Variants in RANBP3 observed in about 807,000 individuals in gnomAD.
RANBP3 encodes ran-binding protein 3.
A neutral mutation model predicts 77.3 loss-of-function variants in RANBP3; 14 were observed. The ratio of observed to expected loss-of-function variants is 0.18; its 90% CI spans 0.12 to 0.28. The LOEUF is 0.28. RANBP3 is among the 10% of genes least tolerant of loss of function. RANBP3 has a pLI of 1.00. For synonymous variants in RANBP3, 315 were observed against 312.4 expected (o/e 1.01, Z -0.09); for missense variants, 586 against 752.3 (o/e 0.78, Z 2.59).
chr19:5,948,541 C>G (rs994748021), intron 3 of RANBP3, among the ~76,000 whole-genome samples: 1 of 151,800 alleles, frequency 6.6e-6, no homozygotes, highest in African/African-American at 2.4e-5. Flanking sequence ...AGTTAGAAAA[C>G]CTGGCTGGTC....
intron 5 of RANBP3, among the ~76,000 whole-genome samples, chr19:5,935,106 G>A (rs527953632): frequency 1.6e-4 from 24 of 152,190 alleles, no homozygotes; most frequent in Non-Finnish European, 3.4e-4. Flanking sequence ...ACACTAAAAC[G>A]ATGACAACAA....
Position 5,917,418 on chromosome 19 carries a change from G to C in RANBP3, c.*192C>G. ...TCGCTCATCAATATGATGAGGTCTC[G>C]TGTCCCAAACCACATTCAGGCAGTT... is the stretch of plus-strand genomic sequence containing the variant. On this transcript the variant is annotated 3_prime_UTR_variant, in exon 17 of 17. Coordinates refer to ENST00000340578, the MANE Select transcript of RANBP3 (RefSeq NM_007322.3). The C allele has an allele frequency of 1.7e-6, 1 of 578,556 alleles. No individual in the cohort carries two copies. The highest frequency in any genetic ancestry group is 3.0e-6 in the Non-Finnish European group (1 of 329,848). 35.8% of individuals were successfully genotyped at this position (578,556 alleles called of 1,614,324 possible).
chr19:5,923,284 T>C lies in RANBP3; in HGVS notation c.1119A>G (p.Ala373=). Residue 373 remains alanine, a synonymous_variant, in exon 13 of 17, where the codon GCA becomes GCG. Coordinates refer to ENST00000340578, the MANE Select transcript of RANBP3 (RefSeq NM_007322.3). Reference sequence around the variant, plus strand: ...GCGCTGTTGCCTTGGTGTAGGCGGCTGCCGACTCAGCCAGGGACTCTGAAA... The same window carrying C: ...GCGCTGTTGCCTTGGTGTAGGCGGCCGCCGACTCAGCCAGGGACTCTGAAA... ...TPEKESLAES[A]AAYTKATARK... is the part of the protein sequence containing the mutation. 2 of 1,614,230 alleles carry C rather than the reference T, an allele frequency of 1.2e-6. No homozygotes were observed. Among genetic ancestry groups the C allele is most frequent in the Non-Finnish European group, 1.7e-6 (2 of 1,180,042 alleles).
At chr19:5,963,388 C>T (rs987281358) in intron 1 of RANBP3, among the ~76,000 whole-genome samples, 1 of 151,942 alleles carries the variant, frequency 6.6e-6, no homozygotes, top group Non-Finnish European at 1.5e-5. Context: ...CCTATTTCTA[C>T]AAAAAACAAA....
In RANBP3 at chr19:5,924,659, C is replaced by T. The variant is rs2057876915; in HGVS notation, c.996+168G>A. Among the ~76,000 whole-genome samples the T allele has an allele frequency of 6.6e-6, 1 of 152,230 alleles. No individual in the cohort carries two copies. Among genetic ancestry groups the T allele is most frequent in the South Asian group, 2.1e-4 (1 of 4,832 alleles). ...TTCGTAGGCAGCCAGTGGCCCTGGC[C>T]AGTTTTCAGGCTGAGTCTGAGCAGG... On this transcript the variant is annotated intron_variant, in intron 11 of 16. Coordinates refer to ENST00000340578, the MANE Select transcript of RANBP3 (RefSeq NM_007322.3). This position sits in a 1 kb window ranked among gnomAD's most constrained non-coding sequence, Gnocchi z 4.7.
rs755276608 is a variant in RANBP3, at chr19:5,918,529, G to C, written c.1440C>G (p.Thr480=). The C allele has an allele frequency of 6.2e-7, 1 of 1,612,692 alleles. No homozygotes were observed. Among genetic ancestry groups the C allele is most frequent in the South Asian group, 1.1e-5 (1 of 90,990 alleles). Residue 480 remains threonine, a synonymous_variant, in exon 15 of 17, where the codon ACC becomes ACG. Transcript: ENST00000340578. Reference sequence around the variant, plus strand: ...GGAAGACCTTCACGCCCTGGTCCTCGGTGTCCATGGCTGTGATGCGAATGC... The same window carrying C: ...GGAAGACCTTCACGCCCTGGTCCTCCGTGTCCATGGCTGTGATGCGAATGC... ...EKSIRITAMD[T]EDQGVKVFLI...
chr19:5,965,341 G>A (rs2058454696), intron 1 of RANBP3, among the ~76,000 whole-genome samples: 1 of 152,124 alleles, frequency 6.6e-6, no homozygotes, highest in Non-Finnish European at 1.5e-5. Context: ...GTGAAAGGAG[G>A]AGGGCGGTTT....
chr19:5,946,479 G>A (rs930565836), intron 3 of RANBP3, among the ~76,000 whole-genome samples: 1 of 152,174 alleles, frequency 6.6e-6, no homozygotes, highest in African/African-American at 2.4e-5. Flanking sequence ...TCTTGGTCCT[G>A]GAAAGGCTGG....
In RANBP3 at chr19:5,925,648, C is replaced by T. The variant is rs1180501120; in HGVS notation, c.903G>A (p.Gln301=). The change falls in exon 10 of 17, where the codon CAG becomes CAA. Residue 301 remains glutamine (Q), a synonymous_variant. Transcript: ENST00000340578. ...DTPTATNYFL[Q]YISSSLENST... ...GAGACACACACCTGGAACTGATATACTGGAGGAAATAGTTCGTTGCGGTTG... is the reference window on the plus strand; with the variant it reads ...GAGACACACACCTGGAACTGATATATTGGAGGAAATAGTTCGTTGCGGTTG... The T allele has an allele frequency of 1.9e-6, 3 of 1,614,044 alleles. No individual in the cohort carries two copies. Among genetic ancestry groups the T allele is most frequent in the Middle Eastern group, 3.3e-4 (2 of 6,060 alleles).
In RANBP3 at chr19:5,942,531, T is replaced by C. The variant is rs145741428; in HGVS notation, c.283-696A>G. Reference sequence around the variant, plus strand: ...CAGCCTGACCAACATGGTGAAACCCTGTCTCCACTAAAAATACAAAAAAAA... The same window carrying C: ...CAGCCTGACCAACATGGTGAAACCCCGTCTCCACTAAAAATACAAAAAAAA... On this transcript the variant is annotated intron_variant, in intron 3 of 16. Coordinates refer to ENST00000340578, the MANE Select transcript of RANBP3 (RefSeq NM_007322.3). Among the ~76,000 whole-genome samples, 320 of 152,050 alleles carry C rather than the reference T, an allele frequency of 2.1e-3. 2 individuals carry two copies. The highest frequency in any genetic ancestry group is 7.3e-3 in the African/African-American group (304 of 41,482).
At chr19:5,932,839 AG>A in intron 6 of RANBP3, 1 of 420,180 alleles carries the variant, frequency 2.4e-6, no homozygotes. Context: ...AGACTGTGGG[AG>A]GAGAGCAGTG....
chr19:5,944,872 G>C (rs2058183914), intron 3 of RANBP3, among the ~76,000 whole-genome samples: 1 of 152,124 alleles, frequency 6.6e-6, no homozygotes, highest in African/African-American at 2.4e-5. Context: ...CCTTTCAACT[G>C]TACCAAAACC....
intron 2 of RANBP3, among the ~76,000 whole-genome samples, chr19:5,953,755 T>G (rs954459794): frequency 1.3e-5 from 2 of 152,224 alleles, no homozygotes; most frequent in African/African-American, 4.8e-5. Flanking sequence ...CAATGGTGCA[T>G]GTAAACGCAG....
intron 1 of RANBP3, among the ~76,000 whole-genome samples, chr19:5,965,435 G>T (rs1457332579): frequency 6.6e-6 from 1 of 152,126 alleles, no homozygotes; most frequent in African/African-American, 2.4e-5. Flanking sequence ...ACTCAAAAAG[G>T]TTTTATCTGT....
rs540963755 is a variant in RANBP3 at position 5,942,045 on chromosome 19, A to G, written c.283-210T>C. Among the ~76,000 whole-genome samples the G allele has an allele frequency of 3.9e-5, 6 of 152,260 alleles. No homozygotes were observed. In the South Asian group the frequency reaches 1.2e-3, roughly 32 times the overall value. ...CAGCTTCACAAACACATGCCAAGGA[A>G]TCCTCTCAGTGGCTGGGAAAGCATC... On this transcript the variant is annotated intron_variant, in intron 3 of 16. Coordinates refer to ENST00000340578, the MANE Select transcript of RANBP3 (RefSeq NM_007322.3).
chr19:5,974,085 C>T (rs535703652), intron 1 of RANBP3, among the ~76,000 whole-genome samples: 1 of 152,096 alleles, frequency 6.6e-6, no homozygotes, highest in Non-Finnish European at 1.5e-5. Context: ...TCATGACGAC[C>T]CCGCGAGTGA....
intron 9 of RANBP3, among the ~76,000 whole-genome samples, chr19:5,927,532 G>A (rs889431712): frequency 5.9e-5 from 9 of 152,214 alleles, no homozygotes; most frequent in Admixed American, 3.9e-4. Context: ...TGCCCAGGGC[G>A]ACTCCTCAGA....
At chr19:5,942,700 CAAAAA>C (rs11298054) in intron 3 of RANBP3, among the ~76,000 whole-genome samples, 1 of 90,848 alleles carries the variant, frequency 1.1e-5, no homozygotes, top group Non-Finnish European at 2.2e-5. Context: ...GACTCTGTCT[CAAAAA>C]AAAAAAAAAA....
chr19:5,924,796 C>T lies in RANBP3; in HGVS notation c.996+31G>A, dbSNP rs763648404. 34 of 1,598,664 alleles carry T rather than the reference C, an allele frequency of 2.1e-5. No individual in the cohort carries two copies. The highest frequency in any genetic ancestry group is 2.8e-5 in the Non-Finnish European group (33 of 1,166,072). On this transcript the variant is annotated intron_variant, in intron 11 of 16. Transcript: ENST00000340578. This position sits in a 1 kb window ranked among gnomAD's most constrained non-coding sequence, Gnocchi z 4.7. ...GTGGCTGGCGCCGAGAGCCTCTGGTCCCTGAGAACATTCCCAACACAGCCA... is the reference window on the plus strand; with the variant it reads ...GTGGCTGGCGCCGAGAGCCTCTGGTTCCTGAGAACATTCCCAACACAGCCA...
Sources: allele counts gnomAD v4.1 joint callset (sites outside exome capture counted in the v4.1 genomes callset), GRCh38; gene constraint gnomAD v4.1.1; non-coding constraint Gnocchi (gnomAD v3.1); transcripts MANE v1.5; gene names NCBI Gene and HGNC (gene_info 2026-07-23, HGNC 2026-07-21).